The following PFKP variants were observed in gnomAD, a reference collection of about 807,000 sequenced individuals.
The protein encoded by PFKP is ATP-dependent 6-phosphofructokinase, platelet type.
A neutral mutation model predicts 94.3 loss-of-function variants in PFKP; 101 were observed. That is an observed-to-expected ratio of 1.07 (90% CI 0.91 to 1.26). PFKP has a LOEUF of 1.26. PFKP is among the 50% of genes most tolerant of loss of function. The probability of loss-of-function intolerance (pLI) is 0.00; values close to 1 mark genes in which losing one functional copy is unlikely to be tolerated. For synonymous variants in PFKP, 573 were observed against 432.6 expected, an observed-to-expected ratio of 1.32 and a Z score of -4.03; for missense variants, 1,145 against 1,103.3, an observed-to-expected ratio of 1.04 and a Z score of -0.53.
At chr10:3,131,714 C>T (rs893105595) in intron 17 of PFKP, among the ~76,000 whole-genome samples, 4 of 152,188 alleles carry the variant, frequency 2.6e-5, no homozygotes, top group African/African-American at 4.8e-5. Flanking sequence ...CCGCCTTGGC[C>T]TCCCAAAGTG....
chr10:3,089,991 T>G (rs1833920409), intron 2 of PFKP, among the ~76,000 whole-genome samples: 1 of 152,164 alleles, frequency 6.6e-6, no homozygotes, highest in African/African-American at 2.4e-5. Context: ...GAGTAAGAGA[T>G]TGCAGTATTT....
At chr10:3,104,826 T>G (rs184219737) in intron 5 of PFKP, 3 of 506,856 alleles carry the variant, frequency 5.9e-6, no homozygotes, top group African/African-American at 5.9e-5. Context: ...CCGGGGAGTG[T>G]GAGTGTGTCC....
Position 3,136,690 on chromosome 10 carries a change from G to T in PFKP, c.*111G>T. On this transcript the variant is annotated 3_prime_UTR_variant, in exon 22 of 22. Transcript: ENST00000381125. The stretch of plus-strand genomic sequence containing the variant: ...GTATTATTGACATTAATACCTAATC[G>T]GCGAGTGCCCATCTGCCCCACCTGC... 1 of 1,180,502 alleles carries T rather than the reference G, an allele frequency of 8.5e-7. No individual in the cohort carries two copies. Among genetic ancestry groups the T allele is most frequent in the Non-Finnish European group, 1.2e-6 (1 of 836,784 alleles). The allele number at this position is 1,180,502 out of a possible 1,614,324, so 73.1% of individuals were successfully genotyped here.
At chr10:3,091,942 GT>G (rs1280702350) in intron 2 of PFKP, among the ~76,000 whole-genome samples, 1 of 152,176 alleles carries the variant, frequency 6.6e-6, no homozygotes, top group Non-Finnish European at 1.5e-5. Flanking sequence ...TTTATCGCTA[GT>G]TTTTTCCATG....
At chr10:3,069,485 C>A in intron 1 of PFKP, 1 of 1,130,006 alleles carries the variant, frequency 8.8e-7, no homozygotes, top group Non-Finnish European at 1.3e-6. Flanking sequence ...AGTGACCTTA[C>A]CTGGGCCGCG....
chr10:3,077,467 C>T (rs538017603), intron 1 of PFKP, among the ~76,000 whole-genome samples: 10 of 151,752 alleles, frequency 6.6e-5, no homozygotes, highest in East Asian at 5.8e-4. Context: ...GGGGTTTCAC[C>T]CTGTTAGCCA....
rs759457594 is a variant in PFKP, at chr10:3,118,857, C to T, written c.1518C>T (p.Ile506=). ...RTHSINALLI[I]GGFEAYLGLL... is the part of the protein sequence containing the mutation. ...ACAGCATCAACGCGCTGCTGATCAT[C>T]GGTGGATTCGAGGTACGTTACCGTT... Residue 506 remains isoleucine (I), a synonymous_variant, in exon 15 of 22, where the codon ATC becomes ATT. Transcript: ENST00000381125. The T allele has an allele frequency of 4.3e-6, 7 of 1,612,272 alleles. No homozygotes were observed. The highest frequency in any genetic ancestry group is 2.2e-5 in the East Asian group (1 of 44,836).
intron 1 of PFKP, among the ~76,000 whole-genome samples, chr10:3,077,480 A>C (rs185947858): frequency 2.0e-5 from 3 of 151,202 alleles, no homozygotes; most frequent in Admixed American, 1.3e-4. Context: ...GTTAGCCAGG[A>C]TGGTCTCGAT....
chr10:3,081,092 A>G (rs906024884), intron 1 of PFKP, among the ~76,000 whole-genome samples: 4 of 152,242 alleles, frequency 2.6e-5, no homozygotes, highest in African/African-American at 4.8e-5. Flanking sequence ...TATGTAATAT[A>G]TATATACACA....
At chr10:3,132,487 C>A in intron 18 of PFKP, 46 bp downstream of exon 18, 1 of 1,344,362 alleles carries the variant, frequency 7.4e-7, no homozygotes, top group Non-Finnish European at 1.1e-6. Flanking sequence ...ACCGCCACAC[C>A]CTGGTTCTTA....
At chr10:3,098,600 G>A (rs946583812) in intron 2 of PFKP, among the ~76,000 whole-genome samples, 3 of 146,304 alleles carry the variant, frequency 2.1e-5, no homozygotes, top group Admixed American at 7.0e-5. Flanking sequence ...ACTTCAACCC[G>A]GGAGGCAGGT....
intron 21 of PFKP, among the ~76,000 whole-genome samples, chr10:3,136,210 A>G (rs914900478): frequency 6.6e-6 from 1 of 152,206 alleles, no homozygotes; most frequent in Admixed American, 6.5e-5. Context: ...GGTTGCAGTG[A>G]GCTGAGATTG....
chr10:3,091,452 C>T lies in PFKP; in HGVS notation c.187-7823C>T, dbSNP rs182416964. Among the ~76,000 whole-genome samples the T allele has an allele frequency of 6.6e-5, 10 of 152,226 alleles. No homozygotes were observed. The East Asian group carries it at 1.7e-3, about 26-fold the overall frequency. ...TGGTTTCATTCATGAATTTCATATC[C>T]TGTTGTTGAATATTCTTCTGCAGAT... On this transcript the variant is annotated intron_variant, in intron 2 of 21. Transcript: ENST00000381125.
At chr10:3,092,809 C>T (rs2131488770) in intron 2 of PFKP, among the ~76,000 whole-genome samples, 1 of 152,280 alleles carries the variant, frequency 6.6e-6, no homozygotes, top group African/African-American at 2.4e-5. Context: ...AGAAATCTCA[C>T]ACTTGTGACC....
intron 1 of PFKP, among the ~76,000 whole-genome samples, chr10:3,072,437 C>G (rs1048333513): frequency 6.6e-6 from 1 of 152,126 alleles, no homozygotes; most frequent in Non-Finnish European, 1.5e-5. Flanking sequence ...GGCTCTGGGC[C>G]CGTTACCTTC....
intron 1 of PFKP, among the ~76,000 whole-genome samples, chr10:3,073,094 T>C (rs1052353563): frequency 1.3e-5 from 2 of 151,922 alleles, no homozygotes; most frequent in African/African-American, 4.8e-5. Context: ...GTCATTGTGC[T>C]TGTCAGGATG....
At chr10:3,067,957 G>T (rs888366850) in intron 1 of PFKP, among the ~76,000 whole-genome samples, 5 of 152,170 alleles carry the variant, frequency 3.3e-5, no homozygotes, top group Admixed American at 1.3e-4. Context: ...CAGCCCCGGG[G>T]TCCTTGCCCG....
intron 2 of PFKP, among the ~76,000 whole-genome samples, chr10:3,087,776 T>C (rs1385136544): frequency 6.6e-6 from 1 of 152,104 alleles, no homozygotes; most frequent in East Asian, 1.9e-4. Flanking sequence ...GAAATCCTAG[T>C]GAACGGGTCC....
chr10:3,104,908 C>T, intron 5 of PFKP: 1 of 641,136 alleles, frequency 1.6e-6, no homozygotes, highest in Non-Finnish European at 2.8e-6. Flanking sequence ...CCCTTCCTCG[C>T]AGGAGTCTGG....
Sources: allele counts gnomAD v4.1 joint callset (sites outside exome capture counted in the v4.1 genomes callset), GRCh38; gene constraint gnomAD v4.1.1; transcripts MANE v1.5; gene names NCBI Gene and HGNC (gene_info 2026-07-23, HGNC 2026-07-21).